PALS2: variants seen among roughly 807,000 people sequenced by gnomAD.
PALS2 encodes the protein protein associated with LIN7 2, MAGUK p55 family member.
A neutral mutation model predicts 61.6 loss-of-function variants in PALS2; 27 were observed. The observed-to-expected ratio is 0.44, with a 90% CI of 0.32 to 0.60. The LOEUF is 0.60. Ranked by LOEUF, PALS2 falls within the 20% of genes least tolerant of loss-of-function variation. The pLI is 0.05. For missense variants in PALS2, 554 were observed against 639.4 expected, an observed-to-expected ratio of 0.87 and a Z score of 1.44; for synonymous variants, 236 against 218.6, an observed-to-expected ratio of 1.08 and a Z score of -0.70.
chr7:24,583,676 T>C (rs1346279113), intron 1 of PALS2, among the ~76,000 whole-genome samples: 4 of 151,300 alleles, frequency 2.6e-5, no homozygotes, highest in African/African-American at 4.9e-5. Flanking sequence ...TTTTTTTTAT[T>C]ATACTTTAAG....
At chr7:24,672,046 T>G (rs540786310) in intron 9 of PALS2, among the ~76,000 whole-genome samples, 1 of 150,982 alleles carries the variant, frequency 6.6e-6, no homozygotes, top group South Asian at 2.1e-4. Context: ...ATATAAATTA[T>G]AAGATAAGCT....
At chr7:24,684,011 C>A (rs771067837) in intron 11 of PALS2, among the ~76,000 whole-genome samples, 17 of 152,170 alleles carry the variant, frequency 1.1e-4, no homozygotes, top group Non-Finnish European at 2.2e-4. Context: ...ATCAACATAA[C>A]CACCACTAGT....
chr7:24,649,958 T>C (rs1362322752), intron 4 of PALS2, among the ~76,000 whole-genome samples, 194 bp downstream of exon 4: 2 of 152,118 alleles, frequency 1.3e-5, no homozygotes, highest in Non-Finnish European at 2.9e-5. Context: ...AAATGAAAAG[T>C]TAAACTGAGC....
At chr7:24,668,066 C>T (rs565871917) in intron 8 of PALS2, among the ~76,000 whole-genome samples, 142 of 152,086 alleles carry the variant, frequency 9.3e-4, no homozygotes, top group Middle Eastern at 3.4e-3. Context: ...TGCCTATAAT[C>T]CCAGCACTTT....
At chr7:24,630,187 T>C (rs1784936531) in intron 2 of PALS2, among the ~76,000 whole-genome samples, 1 of 152,170 alleles carries the variant, frequency 6.6e-6, no homozygotes, top group African/African-American at 2.4e-5. Context: ...GGGACATTGA[T>C]AGAGCTGTAA....
intron 2 of PALS2, among the ~76,000 whole-genome samples, chr7:24,640,650 C>T (rs943653582): frequency 2.6e-5 from 4 of 152,078 alleles, no homozygotes; most frequent in Admixed American, 1.3e-4. Context: ...AAGTTGGAGC[C>T]GCTTAGTGTT....
chr7:24,648,385 C>T (rs1421390246), intron 3 of PALS2, among the ~76,000 whole-genome samples: 6 of 150,546 alleles, frequency 4.0e-5, no homozygotes, highest in African/African-American at 7.3e-5. Context: ...CTCTGCCTCC[C>T]GGGTTCAAGC....
chr7:24,618,329 C>A lies in PALS2; in HGVS notation c.-2-5337C>A, dbSNP rs191227448. Among the ~76,000 whole-genome samples the A allele has an allele frequency of 5.9e-5, 9 of 152,270 alleles. No homozygotes were observed. Among genetic ancestry groups the A allele is most frequent in the Non-Finnish European group, 1.3e-4 (9 of 68,018 alleles). ...GTTTCCTTGCTCTGCAGGACCAGAG[C>A]CACAGCAGATCCTGTGCTCAGGCTC... On this transcript the variant is annotated intron_variant, in intron 1 of 11. Transcript: ENST00000222644. The surrounding 1 kb of genome is among the most constrained non-coding windows in gnomAD (Gnocchi z 5.1).
At chr7:24,577,238 G>C (rs1467875890) in intron 1 of PALS2, among the ~76,000 whole-genome samples, 1 of 142,368 alleles carries the variant, frequency 7.0e-6, no homozygotes, top group Non-Finnish European at 1.5e-5. Context: ...AGATGACTTT[G>C]CTTTCATCCG....
intron 11 of PALS2, among the ~76,000 whole-genome samples, chr7:24,686,143 A>G (rs1788192513): frequency 6.6e-6 from 1 of 152,072 alleles, no homozygotes; most frequent in African/African-American, 2.4e-5. Flanking sequence ...TGACTCATTC[A>G]TTTTCCTCCC....
Position 24,641,821 on chromosome 7 carries a change from G to A in PALS2, c.223G>A (p.Glu75Lys), listed in dbSNP as rs1455584124. Residue 75 changes from glutamate to lysine, a missense_variant, in exon 3 of 12, where the codon GAA becomes AAA. Coordinates refer to ENST00000222644, the MANE Select transcript of PALS2 (RefSeq NM_001303037.2). ...CATCACTCCTCTAATAAATGTGGAT[G>A]AAAATGTGGCAGAATTGGTTGGTAT... The part of the protein sequence containing the change: ...EDITPLINVD[E>K]NVAELVGILK... 6.2e-7 allele frequency: 1 copy of A among 1,613,190 alleles called. No homozygotes were observed. Among genetic ancestry groups the A allele is most frequent in the South Asian group, 1.1e-5 (1 of 90,776 alleles).
chr7:24,659,791 G>A (rs890036121), intron 5 of PALS2, among the ~76,000 whole-genome samples: 1 of 152,168 alleles, frequency 6.6e-6, no homozygotes, highest in Non-Finnish European at 1.5e-5. Flanking sequence ...ACAGAGAGAG[G>A]ATGCAGGTAG....
chr7:24,686,064 C>G (rs1278016820), intron 11 of PALS2, among the ~76,000 whole-genome samples: 1 of 152,172 alleles, frequency 6.6e-6, no homozygotes, highest in Non-Finnish European at 1.5e-5. Flanking sequence ...ATTATGCTCT[C>G]CCTACCCCTC....
In PALS2 at chr7:24,691,364, A is replaced by G. The variant is rs1407442156; in HGVS notation, c.*3750A>G. The G allele has an allele frequency of 7.0e-6, 1 of 142,872 alleles. No individual in the cohort carries two copies. Among genetic ancestry groups the G allele is most frequent in the East Asian group, 2.1e-4 (1 of 4,770 alleles). The allele number at this position is 142,872 out of a possible 1,614,324, so 8.9% of individuals were successfully genotyped here. On this transcript the variant is annotated 3_prime_UTR_variant, in exon 12 of 12. Coordinates refer to ENST00000222644, the MANE Select transcript of PALS2 (RefSeq NM_001303037.2). The stretch of plus-strand genomic sequence containing the variant: ...ACATAGATAGCAGTTCATTTTTTAA[A>G]TGTTCGAGTTGCCATATATTATGTA...
chr7:24,640,836 G>A (rs897737293), intron 2 of PALS2, among the ~76,000 whole-genome samples: 7 of 151,772 alleles, frequency 4.6e-5, no homozygotes, highest in Non-Finnish European at 7.4e-5. Flanking sequence ...GTGAAACCCT[G>A]TCTCTACTAA....
chr7:24,586,408 C>G (rs532564171), intron 1 of PALS2, among the ~76,000 whole-genome samples: 1 of 152,150 alleles, frequency 6.6e-6, no homozygotes, highest in South Asian at 2.1e-4. Flanking sequence ...AATTTTGATT[C>G]TGCGTAAGCA....
chr7:24,607,573 A>G (rs1319189924), intron 1 of PALS2, among the ~76,000 whole-genome samples: 2 of 138,912 alleles, frequency 1.4e-5, no homozygotes, highest in Non-Finnish European at 3.0e-5. Context: ...ATATACATAT[A>G]TGTGTGTATA....
chr7:24,651,235 A>G (rs1442090077), intron 5 of PALS2, among the ~76,000 whole-genome samples: 1 of 152,174 alleles, frequency 6.6e-6, no homozygotes, highest in African/African-American at 2.4e-5. Flanking sequence ...AAAATGTTTT[A>G]GTTATAGAGA....
intron 1 of PALS2, among the ~76,000 whole-genome samples, chr7:24,614,235 A>G (rs183863856): frequency 2.2e-4 from 34 of 151,696 alleles, no homozygotes; most frequent in Admixed American, 7.2e-4. Context: ...TTTTCTCCAA[A>G]TCCTTGGTTA....
Sources: gnomAD v4.1 joint callset for allele counts (sites outside exome capture counted in the v4.1 genomes callset) on GRCh38, gnomAD v4.1.1 for gene constraint, Gnocchi (gnomAD v3.1) non-coding constraint, MANE v1.5 for transcripts, NCBI Gene and HGNC (gene_info 2026-07-23, HGNC 2026-07-21) for gene names.